The following CACNA1C variants were observed in gnomAD, a reference collection of about 807,000 sequenced individuals.
The protein encoded by CACNA1C is voltage-dependent L-type calcium channel subunit alpha-1C.
Under a neutral mutation model 229.0 loss-of-function variants are expected in CACNA1C, and 30 were observed. The ratio of observed to expected loss-of-function variants is 0.13; its 90% CI spans 0.10 to 0.18. The LOEUF (loss-of-function observed/expected upper bound fraction) is 0.18. Ranked by LOEUF, CACNA1C falls within the 10% of genes least tolerant of loss-of-function variation. The pLI is 1.00. For missense variants in CACNA1C, 1,658 were observed against 2,845.0 expected, an observed-to-expected ratio of 0.58 and a Z score of 9.49; for synonymous variants, 1,114 against 1,132.5, an observed-to-expected ratio of 0.98 and a Z score of 0.33.
intron 1 of CACNA1C, among the ~76,000 whole-genome samples, chr12:2,109,338 G>T (rs979300617): frequency 1.3e-5 from 2 of 152,226 alleles, no homozygotes; most frequent in Non-Finnish European, 2.9e-5. Context: ...CTTGTTTGGA[G>T]TGGGGGCTTG....
At chr12:2,423,203 G>A (rs117844074) in intron 3 of CACNA1C, among the ~76,000 whole-genome samples, 18 of 152,050 alleles carry the variant, frequency 1.2e-4, no homozygotes, top group Non-Finnish European at 2.2e-4. Flanking sequence ...ACTTTGGGAC[G>A]GATGTCAGCT....
At chr12:2,254,292 ACT>A (rs1462857704) in intron 3 of CACNA1C, among the ~76,000 whole-genome samples, 1 of 151,530 alleles carries the variant, frequency 6.6e-6, no homozygotes, top group Non-Finnish European at 1.5e-5. Flanking sequence ...ACGACCCCAG[ACT>A]CTGTCTGTCA....
chr12:2,535,144 C>T (rs1223265439), intron 9 of CACNA1C, among the ~76,000 whole-genome samples: 2 of 152,220 alleles, frequency 1.3e-5, no homozygotes, highest in African/African-American at 4.8e-5. Flanking sequence ...CATCCCAGCA[C>T]TTTGGGAGGC....
At chr12:2,329,475 A>G (rs1544503) in intron 3 of CACNA1C, among the ~76,000 whole-genome samples, 115,580 of 152,036 alleles carry the variant, frequency 0.76, 44,500 homozygotes, top group African/African-American at 0.87. Context: ...GTGAGGGCCG[A>G]TGCCTGTCCC....
Position 2,597,198 on chromosome 12 carries a change from C to G in CACNA1C, c.2794-32C>G, listed in dbSNP as rs2068739628. On this transcript the variant is annotated intron_variant, in intron 20 of 46. Coordinates refer to ENST00000399655, the MANE Select transcript of CACNA1C (RefSeq NM_000719.7). This position sits in a 1 kb window ranked among gnomAD's most constrained non-coding sequence, Gnocchi z 4.3. ...GTCCTGCTTTTCTCCCTTCCCCATC[C>G]CATCCCCACCCTGTTCCTTTTTGTT... is the stretch of plus-strand genomic sequence containing the variant. The G allele has an allele frequency of 6.8e-7, 1 of 1,468,648 alleles. No homozygotes were observed. The highest frequency in any genetic ancestry group is 9.5e-7 in the Non-Finnish European group (1 of 1,049,796). The allele number at this position is 1,468,648 out of a possible 1,614,324, so 91.0% of individuals were successfully genotyped here.
At chr12:2,259,351 G>A (rs1028228357) in intron 3 of CACNA1C, among the ~76,000 whole-genome samples, 6 of 152,208 alleles carry the variant, frequency 3.9e-5, no homozygotes, top group African/African-American at 1.2e-4. Context: ...GGGGCTGCAA[G>A]CCACTCTTTA....
At chr12:2,119,934 G>A (rs2085766875) in intron 2 of CACNA1C, among the ~76,000 whole-genome samples, 1 of 152,258 alleles carries the variant, frequency 6.6e-6, no homozygotes, top group African/African-American at 2.4e-5. Flanking sequence ...AGGTGGGCGT[G>A]GGCCCACAGG....
At chr12:2,454,647 T>G (rs977021374) in intron 4 of CACNA1C, among the ~76,000 whole-genome samples, 2 of 152,148 alleles carry the variant, frequency 1.3e-5, no homozygotes, top group African/African-American at 4.8e-5. Context: ...ATCTGCAAAG[T>G]TGAGCAGACT....
intron 1 of CACNA1C, among the ~76,000 whole-genome samples, chr12:2,044,305 G>C (rs1350241467): frequency 6.6e-6 from 1 of 152,182 alleles, no homozygotes; most frequent in Non-Finnish European, 1.5e-5. Flanking sequence ...ACTCTGCCCA[G>C]CTCTTGTTTC....
chr12:2,178,199 CA>C (rs1360666280), intron 3 of CACNA1C, among the ~76,000 whole-genome samples: 1 of 152,204 alleles, frequency 6.6e-6, no homozygotes, highest in Non-Finnish European at 1.5e-5. Context: ...CAGATTATTT[CA>C]AATGGGTATC....
chr12:2,135,449 T>C (rs1019709222), intron 3 of CACNA1C, among the ~76,000 whole-genome samples: 2 of 139,296 alleles, frequency 1.4e-5, no homozygotes, highest in African/African-American at 5.9e-5. Flanking sequence ...TATCTACTTT[T>C]GGTCTTTGAT....
chr12:2,193,727 C>T (rs1382351587), intron 3 of CACNA1C, among the ~76,000 whole-genome samples: 2 of 152,360 alleles, frequency 1.3e-5, no homozygotes, highest in Non-Finnish European at 2.9e-5. Context: ...TCTGTCTGGC[C>T]TCTGCCCTGA....
At chr12:2,176,583 G>A (rs892424855) in intron 3 of CACNA1C, among the ~76,000 whole-genome samples, 1 of 141,184 alleles carries the variant, frequency 7.1e-6, no homozygotes, top group Non-Finnish European at 1.6e-5. Context: ...GGAGCTGGGG[G>A]GCAGCAAGTG....
intron 13 of CACNA1C, among the ~76,000 whole-genome samples, chr12:2,576,083 A>T (rs1194335311): frequency 6.6e-6 from 1 of 152,192 alleles, no homozygotes; most frequent in South Asian, 2.1e-4. Flanking sequence ...GAGAGCTTAA[A>T]GGGAGGCTGG....
intron 3 of CACNA1C, among the ~76,000 whole-genome samples, chr12:2,303,064 G>C (rs938915267): frequency 6.6e-6 from 1 of 152,242 alleles, no homozygotes; most frequent in Admixed American, 6.5e-5. Context: ...GCGGGAAACC[G>C]GCCGTGGGAG....
chr12:2,600,020 G>A (rs2071095151), intron 21 of CACNA1C, among the ~76,000 whole-genome samples: 1 of 152,172 alleles, frequency 6.6e-6, no homozygotes, highest in South Asian at 2.1e-4. Flanking sequence ...CCCATCTGAG[G>A]AATGCAGAGT....
intron 3 of CACNA1C, among the ~76,000 whole-genome samples, chr12:2,171,580 C>G (rs1015335303): frequency 1.3e-5 from 2 of 152,236 alleles, no homozygotes; most frequent in African/African-American, 4.8e-5. Flanking sequence ...TTCCTCCCTC[C>G]CTTCTTCGTT....
At chr12:2,578,309 A>G (rs2059307718) in intron 13 of CACNA1C, among the ~76,000 whole-genome samples, 1 of 152,206 alleles carries the variant, frequency 6.6e-6, no homozygotes, top group Non-Finnish European at 1.5e-5. Flanking sequence ...TTGGTCAGGC[A>G]GGAGCATGTG....
intron 1 of CACNA1C, among the ~76,000 whole-genome samples, chr12:2,070,803 AT>A (rs2060890124): frequency 6.6e-6 from 1 of 151,820 alleles, no homozygotes; most frequent in Non-Finnish European, 1.5e-5. Context: ...CTTAGTCATT[AT>A]CTCTTTCTTT....
Sources: allele counts gnomAD v4.1 joint callset (sites outside exome capture counted in the v4.1 genomes callset), GRCh38; gene constraint gnomAD v4.1.1; non-coding constraint Gnocchi (gnomAD v3.1); transcripts MANE v1.5; gene names NCBI Gene and HGNC (gene_info 2026-07-23, HGNC 2026-07-21).